Variants in BDNF observed in about 807,000 individuals in gnomAD.
BDNF encodes neurotrophic factor BDNF precursor form.
A neutral mutation model predicts 19.5 loss-of-function variants in BDNF; 1 was observed. The ratio of observed to expected loss-of-function variants is 0.05; its 90% CI spans 0.02 to 0.24. The LOEUF (loss-of-function observed/expected upper bound fraction) is 0.24. Among genes scored for constraint, BDNF ranks in the 10% least tolerant of loss-of-function variants. BDNF has a pLI of 1.00. For synonymous variants in BDNF, 100 were observed against 121.6 expected (o/e 0.82, Z 1.17); for missense variants, 195 against 317.6 (o/e 0.61, Z 2.93).
At chr11:27,721,689 C>T in exon 1 of BDNF, 2 of 555,340 alleles carry the variant, frequency 3.6e-6, no homozygotes, top group South Asian at 4.4e-5. Flanking sequence ...CTCCGAGAGA[C>T]ACGTTTCCTT....
chr11:27,697,143 GCACACACA>G (rs138533217), intron 1 of BDNF, among the ~76,000 whole-genome samples: 73 of 141,090 alleles, frequency 5.2e-4, no homozygotes, highest in Non-Finnish European at 8.3e-4. Flanking sequence ...GCACGTGCAC[GCACACACA>G]CACACACACA....
At chr11:27,668,111 AACTC>A (rs1344223387) in intron 1 of BDNF, among the ~76,000 whole-genome samples, 1 of 152,242 alleles carries the variant, frequency 6.6e-6, no homozygotes, top group Non-Finnish European at 1.5e-5. Context: ...AGGATTAAGA[AACTC>A]ACTCAGAACC....
upstream of BDNF, chr11:27,701,691 G>T: frequency 3.4e-6 from 3 of 880,468 alleles, no homozygotes; most frequent in Non-Finnish European, 4.1e-6. Flanking sequence ...TGATACCTCC[G>T]CTGCCTCGAA....
In BDNF at chr11:27,718,806, C is replaced by A. The variant is rs533575456; in HGVS notation, c.3+2606G>T. Among the ~76,000 whole-genome samples, 9 of 152,180 alleles carry A rather than the reference C, an allele frequency of 5.9e-5. No homozygotes were observed. In the East Asian group the frequency reaches 1.7e-3, roughly 30 times the overall value. The stretch of plus-strand genomic sequence containing the variant: ...AATCCACCTGCGCAGAGTTGGGATT[C>A]TTTCTTTCGTTCGTTAAAACAGTGG... On this transcript the variant is annotated intron_variant, in intron 1 of 1. Coordinates refer to the BDNF transcript ENST00000314915.
chr11:27,678,694 C>T (rs1340905297), intron 1 of BDNF, among the ~76,000 whole-genome samples: 1 of 152,156 alleles, frequency 6.6e-6, no homozygotes, highest in Non-Finnish European at 1.5e-5. Flanking sequence ...GCCTCCAACT[C>T]ACCTCTGAAA....
At chr11:27,707,301 A>G (rs1860149021) in intron 1 of BDNF, among the ~76,000 whole-genome samples, 1 of 152,238 alleles carries the variant, frequency 6.6e-6, no homozygotes, top group Non-Finnish European at 1.5e-5. Flanking sequence ...ATGGCCTAAC[A>G]ACCCAATGAG....
intron 1 of BDNF, among the ~76,000 whole-genome samples, chr11:27,665,784 T>G (rs1854202478): frequency 6.6e-6 from 1 of 152,112 alleles, no homozygotes; most frequent in South Asian, 2.1e-4. Flanking sequence ...TCGAAATGGG[T>G]GGAGCCCACC....
upstream of BDNF, chr11:27,701,120 A>T: frequency 7.8e-7 from 1 of 1,286,282 alleles, no homozygotes; most frequent in Non-Finnish European, 1.0e-6. Context: ...TTTGCCTAAT[A>T]GGAATTCAAT....
upstream of BDNF, chr11:27,701,560 G>A (rs56195957): frequency 4.3e-5 from 42 of 987,128 alleles, no homozygotes; most frequent in Middle Eastern, 5.2e-4. Flanking sequence ...GCAGAGGCAG[G>A]GAGATTTCAT....
intron 1 of BDNF, among the ~76,000 whole-genome samples, chr11:27,672,283 A>G (rs1433225810): frequency 1.3e-5 from 2 of 152,218 alleles, no homozygotes; most frequent in Non-Finnish European, 2.9e-5. Context: ...ACAAGGCAAT[A>G]TAAGCATAAT....
At chr11:27,705,102 T>A (rs1860058713), upstream of BDNF, among the ~76,000 whole-genome samples, 1 of 152,142 alleles carries the variant, frequency 6.6e-6, no homozygotes, top group South Asian at 2.1e-4. Context: ...CCCAAACATA[T>A]GAGAAATATC....
chr11:27,670,613 C>A (rs191732692), intron 1 of BDNF, among the ~76,000 whole-genome samples: 48 of 152,308 alleles, frequency 3.2e-4, no homozygotes, highest in Non-Finnish European at 6.6e-4. Context: ...TGAACAGACA[C>A]TTCTCAAAAG....
rs139166493 is a variant in BDNF, at chr11:27,662,421, C to G, written c.-21-3836G>C. ...GTTTGGATATAATTTTCGTAAGAAG[C>G]CTTTTCATTTGGAAAGATCAGTGAA... On this transcript the variant is annotated intron_variant, in intron 1 of 1. Transcript: ENST00000356660. 4.7e-3 allele frequency among the ~76,000 whole-genome samples: 717 copies of G among 152,246 alleles called. 5 individuals carry two copies. Among genetic ancestry groups the G allele is most frequent in the African/African-American group, 0.016 (651 of 41,536 alleles).
At chr11:27,668,618 G>A (rs961225882) in intron 1 of BDNF, among the ~76,000 whole-genome samples, 1 of 152,130 alleles carries the variant, frequency 6.6e-6, no homozygotes, top group Non-Finnish European at 1.5e-5. Flanking sequence ...TACCATCAGA[G>A]AACACTATAA....
intron 1 of BDNF, among the ~76,000 whole-genome samples, chr11:27,670,675 C>G (rs954525607): frequency 2.0e-5 from 3 of 152,120 alleles, no homozygotes; most frequent in African/African-American, 7.2e-5. Context: ...TCATCACTGG[C>G]CATCAGAGAA....
chr11:27,686,887 G>GT (rs1857556882), intron 1 of BDNF, among the ~76,000 whole-genome samples: 1 of 151,968 alleles, frequency 6.6e-6, no homozygotes, highest in South Asian at 2.1e-4. Context: ...CATGTCTTGG[G>GT]TTTGCTCTTC....
chr11:27,667,385 TC>T (rs1240589300), intron 1 of BDNF, among the ~76,000 whole-genome samples: 6 of 152,126 alleles, frequency 3.9e-5, no homozygotes. Flanking sequence ...CCAGCTAACA[TC>T]ATAATGACAG....
chr11:27,690,872 A>G (rs1431436556), intron 1 of BDNF, among the ~76,000 whole-genome samples: 1 of 152,116 alleles, frequency 6.6e-6, no homozygotes, highest in Admixed American at 6.5e-5. Context: ...CCTGAATACT[A>G]AAAGACCCAT....
chr11:27,721,634 T>C (rs1860740898), exon 1 of BDNF: 2 of 609,766 alleles, frequency 3.3e-6, no homozygotes, highest in East Asian at 2.8e-5. Flanking sequence ...ACAAAGCAAC[T>C]GGCATCGATG....
Sources: gnomAD v4.1 joint callset for allele counts (sites outside exome capture counted in the v4.1 genomes callset) on GRCh38, gnomAD v4.1.1 for gene constraint, MANE v1.5 for transcripts, NCBI Gene and HGNC (gene_info 2026-07-23, HGNC 2026-07-21) for gene names.